The following CNTN4 variants were observed in gnomAD, a reference collection of about 807,000 sequenced individuals.
The protein encoded by CNTN4 is contactin 4.
In CNTN4, 77 loss-of-function variants were observed where a neutral mutation model predicts 122.5. The observed-to-expected ratio is 0.63, with a 90% CI of 0.52 to 0.76. The LOEUF (loss-of-function observed/expected upper bound fraction) is 0.76. CNTN4 is among the 30% of genes least tolerant of loss of function. The pLI is 0.00. For missense variants in CNTN4, 1,256 were observed against 1,259.1 expected (o/e 1.00, Z 0.04); for synonymous variants, 512 against 447.0 (o/e 1.15, Z -1.83).
chr3:2,174,231 A>T (rs2036645800), intron 2 of CNTN4, among the ~76,000 whole-genome samples: 1 of 152,152 alleles, frequency 6.6e-6, no homozygotes, highest in Non-Finnish European at 1.5e-5. Flanking sequence ...ATTCAGATTG[A>T]ACAACTGATT....
intron 4 of CNTN4, among the ~76,000 whole-genome samples, chr3:2,648,857 C>A (rs993520835): frequency 1.3e-5 from 2 of 152,128 alleles, no homozygotes; most frequent in African/African-American, 4.8e-5. Context: ...AGGAAAAATT[C>A]TTGAAGGAAA....
intron 3 of CNTN4, among the ~76,000 whole-genome samples, chr3:2,376,832 T>A (rs982046832): frequency 3.9e-5 from 6 of 152,156 alleles, no homozygotes; most frequent in Admixed American, 3.9e-4. Flanking sequence ...TATACAGTGT[T>A]AAGGCACCAG....
At position 2,809,798 on chromosome 3, in the gene CNTN4, T is replaced by C. The variant is rs191694671; in HGVS notation, c.359-9688T>C. On this transcript the variant is annotated intron_variant, in intron 6 of 24. Coordinates refer to ENST00000418658, the MANE Select transcript of CNTN4 (RefSeq NM_175607.3). ...AACCTCATGAGTTAGATAGGTGTACTTTTTTGTGGAACACACAGGGAAACT... is the reference window on the plus strand; with the variant it reads ...AACCTCATGAGTTAGATAGGTGTACCTTTTTGTGGAACACACAGGGAAACT... Among the ~76,000 whole-genome samples the C allele has an allele frequency of 4.0e-3, 612 of 152,342 alleles. 2 individuals are homozygous for C. Among genetic ancestry groups the C allele is most frequent in the African/African-American group, 0.014 (566 of 41,570 alleles).
intron 6 of CNTN4, among the ~76,000 whole-genome samples, chr3:2,803,490 G>A (rs755693681): frequency 1.3e-5 from 2 of 151,824 alleles, no homozygotes; most frequent in Non-Finnish European, 2.9e-5. Context: ...ATAATAGCAA[G>A]TAAGTGGGAA....
intron 12 of CNTN4, among the ~76,000 whole-genome samples, chr3:2,913,851 T>A (rs2094327126): frequency 1.3e-5 from 2 of 152,284 alleles, no homozygotes; most frequent in South Asian, 4.1e-4. Context: ...TACAACAGAA[T>A]ATGAAATCTA....
intron 4 of CNTN4, among the ~76,000 whole-genome samples, chr3:2,582,332 A>G (rs991122096): frequency 1.3e-5 from 2 of 152,204 alleles, no homozygotes; most frequent in African/African-American, 2.4e-5. Context: ...ACACAAGTAC[A>G]CTGATTTGTC....
intron 4 of CNTN4, among the ~76,000 whole-genome samples, chr3:2,676,760 A>T (rs1226353252): frequency 6.6e-6 from 1 of 152,218 alleles, no homozygotes; most frequent in Non-Finnish European, 1.5e-5. Context: ...TGGTCTTTAT[A>T]CTGTTTTCAA....
chr3:2,158,531 A>G (rs561945084), intron 2 of CNTN4, among the ~76,000 whole-genome samples: 2 of 152,298 alleles, frequency 1.3e-5, no homozygotes, highest in South Asian at 4.1e-4. Flanking sequence ...ATGTCCTCCT[A>G]TTGTTTGCTC....
intron 3 of CNTN4, among the ~76,000 whole-genome samples, chr3:2,550,900 T>C (rs1442711406): frequency 6.6e-6 from 1 of 151,818 alleles, no homozygotes; most frequent in Non-Finnish European, 1.5e-5. Context: ...AGTTGAACAA[T>C]GAGAACCCAT....
At chr3:2,396,331 GTT>G (rs1263562371) in intron 3 of CNTN4, among the ~76,000 whole-genome samples, 6 of 152,236 alleles carry the variant, frequency 3.9e-5, no homozygotes, top group Non-Finnish European at 8.8e-5. Flanking sequence ...AGCCTAGCCT[GTT>G]TTTAAGTATG....
chr3:2,407,758 A>G (rs1336740266), intron 3 of CNTN4, among the ~76,000 whole-genome samples: 4 of 152,202 alleles, frequency 2.6e-5, no homozygotes, highest in African/African-American at 9.7e-5. Flanking sequence ...AAATGCAATC[A>G]TGAAAAGTTA....
At chr3:2,341,724 T>C (rs1466720557) in intron 3 of CNTN4, among the ~76,000 whole-genome samples, 1 of 152,234 alleles carries the variant, frequency 6.6e-6, no homozygotes, top group East Asian at 1.9e-4. Flanking sequence ...ATAGCTCTTT[T>C]TAACATAGTA....
chr3:2,944,520 T>C (rs1052752963), intron 13 of CNTN4, among the ~76,000 whole-genome samples: 2 of 152,174 alleles, frequency 1.3e-5, no homozygotes, highest in Non-Finnish European at 2.9e-5. Flanking sequence ...GTATTTATTT[T>C]TGAATATGTC....
At chr3:2,468,553 A>T (rs977042945) in intron 3 of CNTN4, among the ~76,000 whole-genome samples, 1 of 152,198 alleles carries the variant, frequency 6.6e-6, no homozygotes, top group African/African-American at 2.4e-5. Flanking sequence ...AGAAGACTAC[A>T]TCAGTCAGAA....
At chr3:2,584,245 A>G (rs949702460) in intron 4 of CNTN4, among the ~76,000 whole-genome samples, 2 of 152,182 alleles carry the variant, frequency 1.3e-5, no homozygotes, top group Non-Finnish European at 2.9e-5. Context: ...CCTAACTTGC[A>G]TAGTAGGAAT....
At chr3:2,271,725 C>A (rs781439356) in intron 2 of CNTN4, among the ~76,000 whole-genome samples, 2 of 152,056 alleles carry the variant, frequency 1.3e-5, no homozygotes, top group African/African-American at 2.4e-5. Context: ...CTAGTGGGGT[C>A]CCCAACTAAA....
chr3:2,921,424 A>G (rs1032312548), intron 12 of CNTN4, among the ~76,000 whole-genome samples: 1 of 152,252 alleles, frequency 6.6e-6, no homozygotes, highest in Non-Finnish European at 1.5e-5. Context: ...CTTTCTAGAT[A>G]GCAATCCAAC....
chr3:2,379,963 C>T (rs1016835900), intron 3 of CNTN4, among the ~76,000 whole-genome samples: 33 of 149,580 alleles, frequency 2.2e-4, no homozygotes, highest in Admixed American at 5.4e-4. Flanking sequence ...AGGCTGAGAC[C>T]GGAGAATCGC....
intron 7 of CNTN4, among the ~76,000 whole-genome samples, chr3:2,865,479 T>C (rs367769767): frequency 5.3e-4 from 81 of 152,288 alleles, no homozygotes; most frequent in African/African-American, 1.7e-3. Flanking sequence ...ATTTAGACTT[T>C]AGCTCAGGAT....
Sources: allele counts gnomAD v4.1 joint callset (sites outside exome capture counted in the v4.1 genomes callset), GRCh38; gene constraint gnomAD v4.1.1; transcripts MANE v1.5; gene names NCBI Gene and HGNC (gene_info 2026-07-23, HGNC 2026-07-21).